Variants in MX2 observed in about 807,000 individuals in gnomAD.
MX2 encodes interferon-induced GTP-binding protein Mx2.
In MX2, 51 loss-of-function variants were observed where a neutral mutation model predicts 74.0. That is an observed-to-expected ratio of 0.69 (90% confidence interval 0.55 to 0.87). MX2 has a LOEUF of 0.87. Among genes scored for constraint, MX2 ranks in the 40% least tolerant of loss-of-function variants. The pLI is 0.00. For synonymous variants in MX2, 369 were observed against 339.3 expected, an observed-to-expected ratio of 1.09 and a Z score of -0.96; for missense variants, 832 against 908.7, an observed-to-expected ratio of 0.92 and a Z score of 1.09.
intron 12 of MX2, chr21:41,403,647 T>C (rs780035334): frequency 8.0e-6 from 5 of 622,654 alleles, no homozygotes; most frequent in South Asian, 7.0e-5. Flanking sequence ...GTAGGCTGAA[T>C]CTTTTTCAAG....
At position 41,406,792 on chromosome 21, in the gene MX2, A is replaced by G. The variant is rs558971130; in HGVS notation, c.1699A>G (p.Met567Val). The change falls in exon 13 of 14, where the codon ATG becomes GTG. Residue 567 changes from methionine (M) to valine (V), a missense_variant. Transcript: ENST00000330714. The stretch of plus-strand genomic sequence containing the variant: ...GAAACACACAGCAAAGGCAGAAAAC[A>G]TGATCCAACTTCAGTTCAGAATGGA... The part of the protein sequence containing the change: ...KVKHTAKAEN[M>V]IQLQFRMEQM... 8 of 1,614,284 alleles carry G rather than the reference A, an allele frequency of 5.0e-6. No individual in the cohort carries two copies. Among genetic ancestry groups the G allele is most frequent in the South Asian group, 2.2e-5 (2 of 91,088 alleles).
intron 13 of MX2, among the ~76,000 whole-genome samples, 179 bp from the exon 14 acceptor site, chr21:41,407,812 G>C (rs568435473): frequency 3.3e-4 from 50 of 152,264 alleles, no homozygotes; most frequent in African/African-American, 1.1e-3. Context: ...GTAAAGAGGG[G>C]TCAGCGCAAA....
chr21:41,400,512 C>T (rs1390096455), intron 10 of MX2, among the ~76,000 whole-genome samples: 1 of 152,012 alleles, frequency 6.6e-6, no homozygotes, highest in Non-Finnish European at 1.5e-5. Flanking sequence ...ATGTGTGTGT[C>T]CATTTTCACA....
intron 6 of MX2, among the ~76,000 whole-genome samples, chr21:41,393,409 A>T (rs2145933986): frequency 6.6e-6 from 1 of 152,278 alleles, no homozygotes; most frequent in South Asian, 2.1e-4. Context: ...TGCACTGAGG[A>T]GCACATGGTC....
At chr21:41,384,838 C>CAAA (rs35609324) in intron 5 of MX2, among the ~76,000 whole-genome samples, 2 of 119,988 alleles carry the variant, frequency 1.7e-5, no homozygotes. Flanking sequence ...GATTCTGTCT[C>CAAA]AAAAAAAAAA....
Position 41,406,660 on chromosome 21 carries a change from C to G in MX2, c.1651-84C>G. On this transcript the variant is annotated intron_variant, in intron 12 of 13. Coordinates refer to ENST00000330714, the MANE Select transcript of MX2 (RefSeq NM_002463.2). ...TATGGATTCGTTTTATTTCTGAGTT[C>G]AACATAATAGTACTTCCAAATTTGT... The G allele has an allele frequency of 2.9e-6, 4 of 1,380,644 alleles. No individual in the cohort carries two copies. The South Asian group carries it at 5.7e-5, about 20-fold the overall frequency. The allele number at this position is 1,380,644 out of a possible 1,614,324, so 85.5% of individuals were successfully genotyped here.
chr21:41,362,925 A>C (rs1010340509), intron 1 of MX2, among the ~76,000 whole-genome samples: 13 of 151,060 alleles, frequency 8.6e-5, no homozygotes, highest in South Asian at 2.1e-4. Flanking sequence ...CACCTGGTTA[A>C]TTTTATTTCT....
chr21:41,362,866 C>T, intron 1 of MX2, among the ~76,000 whole-genome samples: 1 of 148,136 alleles, frequency 6.8e-6, no homozygotes, highest in East Asian at 2.0e-4. Flanking sequence ...TCAAGGGATC[C>T]TCCCACCTCA....
intron 10 of MX2, chr21:41,400,915 C>T (rs2089803949): frequency 1.3e-5 from 2 of 152,250 alleles, no homozygotes; most frequent in African/African-American, 4.8e-5. Flanking sequence ...CCACGTTGAC[C>T]AGGCTGGTCT....
At chr21:41,378,914 A>G (rs1006261358) in intron 3 of MX2, among the ~76,000 whole-genome samples, 2 of 152,104 alleles carry the variant, frequency 1.3e-5, no homozygotes, top group Admixed American at 6.5e-5. Flanking sequence ...TTACTTCTCA[A>G]CCCAACCAGA....
Position 41,377,996 on chromosome 21 carries a change from C to T in MX2, c.442+15C>T, listed in dbSNP as rs1376698909. The T allele has an allele frequency of 1.2e-6, 2 of 1,607,610 alleles. No individual in the cohort carries two copies. The highest frequency in any genetic ancestry group is 1.3e-5 in the African/African-American group (1 of 74,846). On this transcript the variant is annotated intron_variant, in intron 3 of 13. Transcript: ENST00000330714. The stretch of plus-strand genomic sequence containing the variant: ...CAGAGGCAGCGGTAAGTTCAACGGA[C>T]CACCTTCCCTCCGCAGCAAGCAGCG...
At chr21:41,385,219 A>G (rs1314442623) in intron 5 of MX2, among the ~76,000 whole-genome samples, 1 of 152,212 alleles carries the variant, frequency 6.6e-6, no homozygotes, top group Non-Finnish European at 1.5e-5. Context: ...ACTAAACTCA[A>G]TCATTTCTAG....
intron 4 of MX2, among the ~76,000 whole-genome samples, chr21:41,381,728 C>A (rs751475455): frequency 7.3e-5 from 11 of 150,806 alleles, no homozygotes; most frequent in Non-Finnish European, 1.5e-4. Flanking sequence ...CGAGCAAACC[C>A]AAGACAAGAC....
At chr21:41,407,623 T>C (rs2089904424) in intron 13 of MX2, among the ~76,000 whole-genome samples, 1 of 152,156 alleles carries the variant, frequency 6.6e-6, no homozygotes, top group Non-Finnish European at 1.5e-5. Context: ...TGGCTATGCC[T>C]ATGAAGAAGG....
At chr21:41,382,642 C>T (rs1257754730) in intron 5 of MX2, 78 bp downstream of exon 5, 2 of 1,564,198 alleles carry the variant, frequency 1.3e-6, no homozygotes, top group Non-Finnish European at 1.7e-6. Flanking sequence ...CCTGGTGTAC[C>T]TCCTGGAGCC....
chr21:41,384,677 G>T (rs1227060958), intron 5 of MX2, among the ~76,000 whole-genome samples: 1 of 151,946 alleles, frequency 6.6e-6, no homozygotes, highest in East Asian at 1.9e-4. Context: ...TGAAAGGGTG[G>T]CAGTATACGA....
intron 1 of MX2, among the ~76,000 whole-genome samples, chr21:41,367,469 T>C (rs1208595144): frequency 3.3e-5 from 5 of 152,120 alleles, no homozygotes; most frequent in African/African-American, 1.2e-4. Flanking sequence ...TAGGAAAGTG[T>C]CTGATGCAGA....
At chr21:41,390,424 C>A in intron 5 of MX2, 141 bp from the exon 6 acceptor site, 4 of 1,248,788 alleles carry the variant, frequency 3.2e-6, no homozygotes, top group South Asian at 2.7e-5. Context: ...ATTCCCAGGA[C>A]GGGGCTCGGC....
intron 6 of MX2, among the ~76,000 whole-genome samples, chr21:41,391,779 T>C (rs1194439354): frequency 7.2e-6 from 1 of 139,776 alleles, no homozygotes; most frequent in Non-Finnish European, 1.5e-5. Flanking sequence ...TAAATGCACA[T>C]TTTCTTTTTC....
Sources: allele counts gnomAD v4.1 joint callset (sites outside exome capture counted in the v4.1 genomes callset), GRCh38; gene constraint gnomAD v4.1.1; transcripts MANE v1.5; gene names NCBI Gene and HGNC (gene_info 2026-07-23, HGNC 2026-07-21).